Variants in AAK1 observed in about 807,000 individuals in gnomAD.
The protein encoded by AAK1 is AP2 associated kinase 1, also known as AP2-associated protein kinase 1.
In AAK1, 37 loss-of-function variants were observed where a neutral mutation model predicts 116.0. That is an observed-to-expected ratio of 0.32 (90% CI 0.25 to 0.42). The LOEUF (loss-of-function observed/expected upper bound fraction) is 0.42, where lower values mean the gene tolerates loss of function less well. Among genes scored for constraint, AAK1 ranks in the 10% least tolerant of loss-of-function variants. The pLI is 1.00. For synonymous variants in AAK1, 458 were observed against 439.9 expected, an observed-to-expected ratio of 1.04 and a Z score of -0.51; for missense variants, 919 against 1,170.6, an observed-to-expected ratio of 0.79 and a Z score of 3.14.
At chr2:69,569,644 T>C (rs1199996632) in intron 2 of AAK1, among the ~76,000 whole-genome samples, 1 of 152,076 alleles carries the variant, frequency 6.6e-6, no homozygotes, top group East Asian at 1.9e-4. Context: ...TTCCAGACAA[T>C]CCCACCCAAA....
intron 17 of AAK1, among the ~76,000 whole-genome samples, chr2:69,486,504 AC>A (rs1168280809): frequency 6.6e-6 from 1 of 152,088 alleles, no homozygotes; most frequent in African/African-American, 2.4e-5. Flanking sequence ...ACAGAACAAT[AC>A]CAGGCACAAA....
chr2:69,482,831 C>A lies in AAK1; in HGVS notation c.2366-19G>T. ...AGTTTTTCTACGTTGGGCAGAGAGACAAAAAGAAAGCAAAAATGTAGTAAG... is the reference window on the plus strand; with the variant it reads ...AGTTTTTCTACGTTGGGCAGAGAGAAAAAAAGAAAGCAAAAATGTAGTAAG... On this transcript the variant is annotated intron_variant, in intron 17 of 21. Transcript: ENST00000409085. 2 of 1,541,788 alleles carry A rather than the reference C, an allele frequency of 1.3e-6. No homozygotes were observed. Among genetic ancestry groups the A allele is most frequent in the South Asian group, 1.1e-5 (1 of 88,510 alleles).
intron 2 of AAK1, among the ~76,000 whole-genome samples, chr2:69,639,875 C>G (rs1325302892): frequency 1.3e-5 from 2 of 152,054 alleles, no homozygotes; most frequent in East Asian, 3.9e-4. Context: ...CATGGCTACC[C>G]AAAACGTCTG....
At chr2:69,597,438 C>T in intron 2 of AAK1, 1 of 167,602 alleles carries the variant, frequency 6.0e-6, no homozygotes, top group Non-Finnish European at 1.3e-5. Context: ...TCCTGAGTTT[C>T]CTCGTGATGT....
chr2:69,555,227 A>T (rs1671342982), intron 3 of AAK1, among the ~76,000 whole-genome samples: 1 of 152,364 alleles, frequency 6.6e-6, no homozygotes, highest in South Asian at 2.1e-4. Context: ...ATCTGGAGCT[A>T]TGTGCAGGGG....
Position 69,643,263 on chromosome 2 carries a change from G to C in AAK1, c.-223C>G. 3 of 1,408,468 alleles carry C rather than the reference G, an allele frequency of 2.1e-6. No individual in the cohort carries two copies. Among genetic ancestry groups the C allele is most frequent in the Non-Finnish European group, 2.8e-6 (3 of 1,089,830 alleles). 87.2% of individuals were successfully genotyped at this position (1,408,468 alleles called of 1,614,324 possible). A position where few individuals can be genotyped will look rare whatever the true frequency, so the allele number is the denominator to read the frequency against. On this transcript the variant is annotated 5_prime_UTR_variant, in exon 2 of 22. Transcript: ENST00000409085. ...CCTCCTCCTCCAGAAAGCGATTCGT[G>C]TAAGTTTAAACCTGTGATGACAGAG... is the stretch of plus-strand genomic sequence containing the variant.
intron 2 of AAK1, 106 bp from the exon 3 acceptor site, chr2:69,557,084 C>A: frequency 1.3e-6 from 1 of 742,294 alleles, no homozygotes. Flanking sequence ...GGTACTAATG[C>A]CACTGCCAGC....
chr2:69,547,921 G>C (rs1670996356), intron 3 of AAK1, among the ~76,000 whole-genome samples: 1 of 152,086 alleles, frequency 6.6e-6, no homozygotes, highest in Non-Finnish European at 1.5e-5. Flanking sequence ...ATGAAATATT[G>C]ATACATGCTA....
At chr2:69,521,814 C>T (rs1669795017) in intron 10 of AAK1, among the ~76,000 whole-genome samples, 1 of 152,178 alleles carries the variant, frequency 6.6e-6, no homozygotes, top group Non-Finnish European at 1.5e-5. Flanking sequence ...CTGCTAGGAG[C>T]AGAGATGTTG....
At chr2:69,612,566 AG>A (rs1258462931) in intron 2 of AAK1, among the ~76,000 whole-genome samples, 3 of 152,208 alleles carry the variant, frequency 2.0e-5, no homozygotes, top group South Asian at 4.1e-4. Flanking sequence ...GTCATTATCT[AG>A]GGAAGAATGT....
intron 17 of AAK1, among the ~76,000 whole-genome samples, chr2:69,487,377 A>G (rs1675336654): frequency 6.6e-6 from 1 of 152,246 alleles, no homozygotes. Flanking sequence ...GCCAAGTATC[A>G]TGATGGGGCA....
intron 2 of AAK1, among the ~76,000 whole-genome samples, chr2:69,568,742 G>C (rs1427531181): frequency 6.6e-6 from 1 of 152,168 alleles, no homozygotes; most frequent in Non-Finnish European, 1.5e-5. Flanking sequence ...TGTTCTGAAA[G>C]ATGGGCTCTC....
At chr2:69,592,532 C>A (rs542715414) in intron 2 of AAK1, among the ~76,000 whole-genome samples, 4 of 152,278 alleles carry the variant, frequency 2.6e-5, no homozygotes, top group African/African-American at 9.6e-5. Flanking sequence ...TGTACTATAA[C>A]TTTGGAGGTA....
At chr2:69,522,457 G>T (rs943796899) in intron 10 of AAK1, among the ~76,000 whole-genome samples, 1 of 152,082 alleles carries the variant, frequency 6.6e-6, no homozygotes, top group East Asian at 1.9e-4. Context: ...CCTGGGCAAG[G>T]GATGTGGGAA....
intron 2 of AAK1, among the ~76,000 whole-genome samples, chr2:69,583,828 T>C (rs1425924392): frequency 2.0e-5 from 3 of 151,210 alleles, no homozygotes; most frequent in Non-Finnish European, 4.4e-5. Context: ...CTTTTTCAAG[T>C]TTCTGGATAT....
intron 2 of AAK1, among the ~76,000 whole-genome samples, chr2:69,575,260 A>G (rs1309229703): frequency 6.6e-6 from 1 of 151,994 alleles, no homozygotes. Context: ...GCACCAATCA[A>G]TGAACTGAAT....
intron 2 of AAK1, among the ~76,000 whole-genome samples, chr2:69,561,573 C>T (rs1479726035): frequency 6.6e-6 from 1 of 152,074 alleles, no homozygotes; most frequent in Non-Finnish European, 1.5e-5. Context: ...AGATAAGATC[C>T]CTCATCTTTA....
chr2:69,495,579 C>A (rs1675705329), intron 17 of AAK1, among the ~76,000 whole-genome samples: 1 of 152,132 alleles, frequency 6.6e-6, no homozygotes, highest in African/African-American at 2.4e-5. Flanking sequence ...ACAGCAGTCA[C>A]CCACAATCCC....
intron 2 of AAK1, among the ~76,000 whole-genome samples, chr2:69,582,098 T>C (rs1672571143): frequency 6.6e-6 from 1 of 152,192 alleles, no homozygotes; most frequent in African/African-American, 2.4e-5. Flanking sequence ...AAGTACCTAA[T>C]TTACAAAATA....
Sources: allele counts gnomAD v4.1 joint callset (sites outside exome capture counted in the v4.1 genomes callset), GRCh38; gene constraint gnomAD v4.1.1; transcripts MANE v1.5; gene names NCBI Gene and HGNC (gene_info 2026-07-23, HGNC 2026-07-21).